Variants in TRIM15 observed in about 807,000 individuals in gnomAD.
The protein encoded by TRIM15 is tripartite motif containing 15.
TRIM15 carries 35 observed loss-of-function variants against 35.8 expected under a neutral mutation model. The observed-to-expected ratio is 0.98, with a 90% CI of 0.75 to 1.30. TRIM15 has a LOEUF of 1.30. Ranked by LOEUF, TRIM15 falls within the 50% of genes most tolerant of loss-of-function variation. The pLI is 0.00. For missense variants in TRIM15, 590 were observed against 593.5 expected (o/e 0.99, Z 0.06); for synonymous variants, 252 against 249.8 (o/e 1.01, Z -0.08).
chr6:30,165,475 G>C, intron 1 of TRIM15, among the ~76,000 whole-genome samples: 1 of 152,178 alleles, frequency 6.6e-6, no homozygotes, highest in East Asian at 1.9e-4. Context: ...GCATATATGT[G>C]CCATATTTTC....
Position 30,163,803 on chromosome 6 carries a change from T to G in TRIM15, c.119T>G (p.Leu40Arg). ...PCGHTFCRLC[L>R]PALSQMGAQS... The stretch of plus-strand genomic sequence containing the variant: ...GGACACACCTTCTGCCGGCTCTGCC[T>G]CCCCGCGCTCTCCCAGATGGGGGCC... The change falls in exon 1 of 7, where the codon CTC (leucine) becomes CGC (arginine). Residue 40 changes from leucine (L) to arginine (R), a missense_variant. By Grantham distance (102) the Leu-to-Arg change is moderately radical (BLOSUM62 -2). Coordinates refer to ENST00000376694, the MANE Select transcript of TRIM15 (RefSeq NM_033229.3). The G allele has an allele frequency of 6.2e-7, 1 of 1,612,848 alleles. No individual in the cohort carries two copies. Among genetic ancestry groups the G allele is most frequent in the Middle Eastern group, 1.7e-4 (1 of 6,044 alleles).
Position 30,172,309 on chromosome 6 carries a change from C to A in TRIM15, c.1358C>A (p.Ala453Asp). 6.2e-7 allele frequency: 1 copy of A among 1,610,998 alleles called. No individual in the cohort carries two copies. The highest frequency in any genetic ancestry group is 8.5e-7 in the Non-Finnish European group (1 of 1,179,276). The change falls in exon 7 of 7, where the codon GCC (alanine) becomes GAC (aspartate). Residue 453 changes from alanine (A) to aspartate (D), a missense_variant. Ala to Asp is a moderately radical substitution (Grantham distance 126). Transcript: ENST00000376694. ...SFSGKVFPFF[A>D]VWKKGSCLTL... ...TCCGGCAAAGTCTTCCCTTTCTTTG[C>A]CGTCTGGAAAAAAGGTTCCTGCCTT...
chr6:30,172,212 T>C lies in TRIM15; in HGVS notation c.1261T>C (p.Tyr421His), dbSNP rs1193593179. Residue 421 changes from tyrosine to histidine, a missense_variant, in exon 7 of 7, where the codon TAC becomes CAC. Transcript: ENST00000376694. ...GCGCGGCGTGAGAGTCGCCCTGGAC[T>C]ACGAGGCGGGGCAGGTGACCCTCCA... ...IPRGVRVALD[Y>H]EAGQVTLHNA... 2.5e-6 allele frequency: 4 copies of C among 1,611,706 alleles called. No homozygotes were observed. Among genetic ancestry groups the C allele is most frequent in the Non-Finnish European group, 3.4e-6 (4 of 1,179,566 alleles).
Position 30,172,324 on chromosome 6 carries a change from G to A in TRIM15, c.1373G>A (p.Gly458Asp), listed in dbSNP as rs557429382. Residue 458 changes from glycine (G) to aspartate (D), a missense_variant, in exon 7 of 7, where the codon GGT becomes GAT. Gly to Asp is a moderately conservative substitution (Grantham distance 94). Transcript: ENST00000376694. Reference protein sequence around the residue: ...VFPFFAVWKKGSCLTLKG With the variant: ...VFPFFAVWKKDSCLTLKG ...CCTTTCTTTGCCGTCTGGAAAAAAG[G>A]TTCCTGCCTTACGCTGAAAGGCTGA... The A allele has an allele frequency of 8.7e-6, 14 of 1,611,130 alleles. 1 individual carries two copies. In the South Asian group the frequency reaches 1.1e-4, roughly 13 times the overall value.
In TRIM15 at chr6:30,172,007, GGTTGACCTGCAGCTGGGCGAC is replaced by G; in HGVS notation, c.1058_1078del (p.Val353_Asp359del). On this transcript the variant is annotated inframe_deletion, in exon 7 of 7. Coordinates refer to ENST00000376694, the MANE Select transcript of TRIM15 (RefSeq NM_033229.3). ...TCTCCTCCGGGCGCCACCGCTGGCA[GGTTGACCTGCAGCTGGGCGAC>G]GGCGGCGGCTGCACGGTGGGGGTGG... The G allele has an allele frequency of 1.3e-6, 2 of 1,577,908 alleles. No individual in the cohort carries two copies. The highest frequency in any genetic ancestry group is 1.7e-6 in the Non-Finnish European group (2 of 1,161,360).
chr6:30,170,539 C>T lies in TRIM15; in HGVS notation c.770C>T (p.Ser257Phe). 6.2e-7 allele frequency: 1 copy of T among 1,614,160 alleles called. No individual in the cohort carries two copies. Among genetic ancestry groups the T allele is most frequent in the South Asian group, 1.1e-5 (1 of 91,084 alleles). ...MKTFVSPEAISPDLVKKIRDF... is the reference protein window; with the variant it reads ...MKTFVSPEAIFPDLVKKIRDF... ...ACTTTTGTGAGTCCTGAGGCCATTT[C>T]TCCTGACCTTGTCAAGAAGATCCGT... is the stretch of plus-strand genomic sequence containing the variant. Residue 257 changes from serine (S) to phenylalanine (F), a missense_variant, in exon 5 of 7, where the codon TCT becomes TTT. Transcript: ENST00000376694.
chr6:30,165,119 T>A (rs1197555649), intron 1 of TRIM15, among the ~76,000 whole-genome samples: 1 of 152,094 alleles, frequency 6.6e-6, no homozygotes, highest in Non-Finnish European at 1.5e-5. Context: ...TTTTTTTTTT[T>A]ATTATACATG....
chr6:30,166,296 G>C (rs1773590665), intron 1 of TRIM15, among the ~76,000 whole-genome samples: 1 of 152,134 alleles, frequency 6.6e-6, no homozygotes, highest in Non-Finnish European at 1.5e-5. Context: ...TGTAAGGAAG[G>C]GGTCCAGTTT....
chr6:30,166,181 G>T (rs1425729324), intron 1 of TRIM15, among the ~76,000 whole-genome samples: 4 of 152,158 alleles, frequency 2.6e-5, no homozygotes, highest in African/African-American at 9.7e-5. Flanking sequence ...CTTTGCCCAT[G>T]CCTATGTCCT....
At position 30,168,369 on chromosome 6, in the gene TRIM15, C is replaced by G. The variant is rs780356510; in HGVS notation, c.547C>G (p.Gln183Glu). ...GAGGCTGCAGCAGGAGCTGGAGCAG[C>G]AGCGATGTCTCCTGCTGGCCAGGCT... ...FERLQQELEQ[Q>E]RCLLLARLRE... Residue 183 changes from glutamine (Q) to glutamate (E), a missense_variant, in exon 3 of 7, where the codon CAG becomes GAG. Gln to Glu is a conservative substitution (Grantham distance 29). Coordinates refer to ENST00000376694, the MANE Select transcript of TRIM15 (RefSeq NM_033229.3). The G allele has an allele frequency of 5.0e-6, 8 of 1,612,910 alleles. No homozygotes were observed. Among genetic ancestry groups the G allele is most frequent in the Middle Eastern group, 1.6e-4 (1 of 6,084 alleles).
rs1581613328 is a variant in TRIM15, at chr6:30,172,642, G to A, written c.*293G>A. On this transcript the variant is annotated 3_prime_UTR_variant, in exon 7 of 7. Coordinates refer to ENST00000376694, the MANE Select transcript of TRIM15 (RefSeq NM_033229.3). ...CAACCTAGGAGCCAGCGGGCTTTCG[G>A]GGAAAAAAAAGAAAAAGACATCTAA... The A allele has an allele frequency of 2.8e-5, 18 of 633,242 alleles. No individual in the cohort carries two copies. The East Asian group carries it at 5.0e-4, about 17-fold the overall frequency. The allele number at this position is 633,242 out of a possible 1,614,324, so 39.2% of individuals were successfully genotyped here.
At position 30,163,843 on chromosome 6, in the gene TRIM15, G is replaced by A; in HGVS notation, c.159G>A (p.Lys53=). ...AGATGGGGGCCCAATCCTCGGGCAA[G>A]ATCCTGCTCTGCCCGCTCTGCCAAG... ...LSQMGAQSSG[K]ILLCPLCQEE... is the part of the protein sequence containing the mutation. Residue 53 remains lysine (K), a synonymous_variant, in exon 1 of 7, where the codon AAG becomes AAA. Coordinates refer to ENST00000376694, the MANE Select transcript of TRIM15 (RefSeq NM_033229.3). 1 of 1,613,074 alleles carries A rather than the reference G, an allele frequency of 6.2e-7. No homozygotes were observed. Among genetic ancestry groups the A allele is most frequent in the Non-Finnish European group, 8.5e-7 (1 of 1,180,032 alleles).
rs185290996 is a variant in TRIM15 at position 30,168,144 on chromosome 6, C to G, written c.478-156C>G. On this transcript the variant is annotated intron_variant, in intron 2 of 6. Coordinates refer to ENST00000376694, the MANE Select transcript of TRIM15 (RefSeq NM_033229.3). Reference sequence around the variant, plus strand: ...AGCCCTCATCATTGGTAAGTTCATCCTGAGACCTAACTACTTCTAGGCATA... The same window carrying G: ...AGCCCTCATCATTGGTAAGTTCATCGTGAGACCTAACTACTTCTAGGCATA... Among the ~76,000 whole-genome samples the G allele has an allele frequency of 5.9e-5, 9 of 152,264 alleles. No individual in the cohort carries two copies. The East Asian group carries it at 1.7e-3, about 29-fold the overall frequency.
At position 30,163,934 on chromosome 6, in the gene TRIM15, G is replaced by C. The variant is rs17194474; in HGVS notation, c.250G>C (p.Glu84Gln). The change falls in exon 1 of 7, where the codon GAG becomes CAG. Residue 84 changes from glutamate to glutamine, a missense_variant. Physicochemically the swap from Glu to Gln is conservative, Grantham distance 29 (BLOSUM62 2). Transcript: ENST00000376694. ...GGGCCCGCTGGGAGAAACTTACTGC[G>C]AGGAGCACGGCGAGAAGATCTACTT... ...PLGPLGETYC[E>Q]EHGEKIYFFC... 0.027 allele frequency: 42,839 copies of C among 1,613,086 alleles called. 711 individuals carry two copies. Among genetic ancestry groups the C allele is most frequent in the Middle Eastern group, 0.057 (343 of 6,054 alleles).
Position 30,163,554 on chromosome 6 carries a change from T to TTCTCTCTCTGTCTCTC in TRIM15, c.-122_-121insGTCTCTCTCTCTCTCT. 8.8e-7 allele frequency: 1 copy of TTCTCTCTCTGTCTCTC among 1,136,860 alleles called. No homozygotes were observed. The highest frequency in any genetic ancestry group is 1.2e-6 in the Non-Finnish European group (1 of 850,340). 70.4% of individuals were successfully genotyped at this position (1,136,860 alleles called of 1,614,324 possible). A position where few individuals can be genotyped will look rare whatever the true frequency, so the allele number is the denominator to read the frequency against. On this transcript the variant is annotated 5_prime_UTR_variant, in exon 1 of 7. Transcript: ENST00000376694. Reference sequence around the variant, plus strand: ...CTGGCATTCTTGCCTCTCTCTCTCTTTCTCTCTCTCTGTCTCTTAGCCTTG... The same window carrying TTCTCTCTCTGTCTCTC: ...CTGGCATTCTTGCCTCTCTCTCTCTTTCTCTCTCTGTCTCTCTCTCTCTCTCTGTCTCTTAGCCTTG...
intron 3 of TRIM15, among the ~76,000 whole-genome samples, 193 bp from the exon 4 acceptor site, chr6:30,169,048 A>C (rs1773823945): frequency 6.6e-6 from 1 of 152,152 alleles, no homozygotes; most frequent in Non-Finnish European, 1.5e-5. Context: ...GCACAAATGA[A>C]CTGACTACAG....
At chr6:30,167,325 C>T (rs17188127) in intron 2 of TRIM15, 54 bp downstream of exon 2, 18,403 of 1,437,520 alleles carry the variant, frequency 0.013, 186 homozygotes, top group Middle Eastern at 0.022. Context: ...TTAAGAGACT[C>T]TGGGGAAACC....
rs1232098250 is a variant in TRIM15 at position 30,163,858 on chromosome 6, G to C, written c.174G>C (p.Pro58=). The change falls in exon 1 of 7, where the codon CCG becomes CCC. Residue 58 remains proline, a synonymous_variant. Coordinates refer to ENST00000376694, the MANE Select transcript of TRIM15 (RefSeq NM_033229.3). ...AQSSGKILLC[P]LCQEEEQAET... ...CCTCGGGCAAGATCCTGCTCTGCCC[G>C]CTCTGCCAAGAGGAGGAGCAGGCAG... 2.5e-6 allele frequency: 4 copies of C among 1,612,896 alleles called. No homozygotes were observed. Among genetic ancestry groups the C allele is most frequent in the Admixed American group, 1.7e-5 (1 of 60,006 alleles).
rs369375448 is a variant in TRIM15, at chr6:30,170,253, C to T, written c.732-248C>T. The T allele has an allele frequency of 3.9e-4, 183 of 473,956 alleles. 15 individuals are homozygous for T. Among genetic ancestry groups the T allele is most frequent in the East Asian group, 1.5e-3 (42 of 28,928 alleles). The allele number at this position is 473,956 out of a possible 1,614,324, so 29.4% of individuals were successfully genotyped here. ...GTCCCTCAGCCCCTACAGAACCAAACATTCTCCTAAAGGGGCTTACCTCCA... is the reference window on the plus strand; with the variant it reads ...GTCCCTCAGCCCCTACAGAACCAAATATTCTCCTAAAGGGGCTTACCTCCA... On this transcript the variant is annotated intron_variant, in intron 4 of 6. Coordinates refer to ENST00000376694, the MANE Select transcript of TRIM15 (RefSeq NM_033229.3).
Sources: allele counts gnomAD v4.1 joint callset (sites outside exome capture counted in the v4.1 genomes callset), GRCh38; gene constraint gnomAD v4.1.1; transcripts MANE v1.5; gene names NCBI Gene and HGNC (gene_info 2026-07-23, HGNC 2026-07-21).